Variants in USP33 observed in about 807,000 individuals in gnomAD.
USP33 encodes ubiquitin carboxyl-terminal hydrolase 33.
USP33 carries 46 observed loss-of-function variants against 124.2 expected under a neutral mutation model. The ratio of observed to expected loss-of-function variants is 0.37; its 90% CI spans 0.29 to 0.47. USP33 has a LOEUF of 0.47. USP33 is among the 20% of genes least tolerant of loss of function. The probability of loss-of-function intolerance (pLI) is 0.99; values close to 1 mark genes in which losing one functional copy is unlikely to be tolerated. For missense variants in USP33, 851 were observed against 1,070.6 expected (o/e 0.79, Z 2.86); for synonymous variants, 350 against 352.3 (o/e 0.99, Z 0.07).
chr1:77,745,083 C>T (rs1220359900), intron 1 of USP33, among the ~76,000 whole-genome samples: 1 of 152,154 alleles, frequency 6.6e-6, no homozygotes, highest in Non-Finnish European at 1.5e-5. Context: ...TCTCTAAGGA[C>T]TTGCTTTATG....
rs562682440 is a variant in USP33, at chr1:77,748,782, C to A, written c.-51-7034G>T. ...TTTTTTGGCAGCATTCCTTCCCTCC[C>A]CCCCCCCCCCGTGCTTGAATCAGGA... On this transcript the variant is annotated intron_variant, in intron 1 of 23. Coordinates refer to ENST00000370794, the MANE Select transcript of USP33 (RefSeq NM_201624.3). 7.7e-4 allele frequency among the ~76,000 whole-genome samples: 60 copies of A among 77,510 alleles called. 1 individual carries two copies. The highest frequency in any genetic ancestry group is 2.1e-3 in the South Asian group (3 of 1,402). 50.8% of individuals were successfully genotyped at this position (77,510 alleles called of 152,430 possible).
At chr1:77,699,827 T>C (rs924268484) in intron 22 of USP33, among the ~76,000 whole-genome samples, 1 of 152,062 alleles carries the variant, frequency 6.6e-6, no homozygotes, top group African/African-American at 2.4e-5. Flanking sequence ...ATAAAGAAAA[T>C]GTGGTAAATA....
In USP33 at chr1:77,696,254, TA is replaced by T. The variant is rs1422915477; in HGVS notation, c.*1062del. 3 of 152,624 alleles carry T rather than the reference TA, an allele frequency of 2.0e-5. No individual in the cohort carries two copies. The highest frequency in any genetic ancestry group is 4.4e-5 in the Non-Finnish European group (3 of 68,044). The allele number at this position is 152,624 out of a possible 1,614,324, so 9.5% of individuals were successfully genotyped here. A position where few individuals can be genotyped will look rare whatever the true frequency, so the allele number is the denominator to read the frequency against. On this transcript the variant is annotated 3_prime_UTR_variant, in exon 24 of 24. Transcript: ENST00000370794. ...GTGGCCTCAGCTTTATCAACAATCG[TA>T]GTGACACATTCCACACTTCATGCTC... is the stretch of plus-strand genomic sequence containing the variant.
intron 17 of USP33, chr1:77,717,533 A>G (rs565918840): frequency 1.9e-5 from 3 of 158,546 alleles, no homozygotes; most frequent in South Asian, 4.1e-4. Flanking sequence ...TTAACTGTAT[A>G]CAATTTTCAA....
At chr1:77,755,226 G>A (rs1431884875) in intron 1 of USP33, among the ~76,000 whole-genome samples, 5 of 152,074 alleles carry the variant, frequency 3.3e-5, no homozygotes, top group South Asian at 4.1e-4. Context: ...TTCAGCTTGT[G>A]AGCAAAAAGA....
intron 1 of USP33, among the ~76,000 whole-genome samples, chr1:77,743,929 G>A (rs898827704): frequency 6.6e-6 from 1 of 152,096 alleles, no homozygotes; most frequent in Non-Finnish European, 1.5e-5. Context: ...AGGAGATCGA[G>A]AACATCCTGG....
chr1:77,700,413 C>T (rs1673872764), intron 22 of USP33, among the ~76,000 whole-genome samples: 2 of 152,050 alleles, frequency 1.3e-5, no homozygotes, highest in South Asian at 4.1e-4. Flanking sequence ...CTGGGCAACA[C>T]TGTGAGACCA....
Position 77,722,117 on chromosome 1 carries a change from G to C in USP33, c.1469C>G (p.Ser490Ter). ...GKEDLAKLHS[S>*]SHPTSIVKAG... is the part of the protein sequence containing the mutation. ...TTTGACTATAGAAGTTGGATGACTT[G>C]ATGAATGCAGCTTAGCAAGGTCTTC... Residue 490 changes from serine to a stop codon, truncating the protein, a stop_gained, in exon 13 of 24, where the codon TCA (serine) becomes TGA (stop). Transcript: ENST00000370794. LOFTEE classifies it high-confidence loss of function. The C allele has an allele frequency of 6.2e-7, 1 of 1,614,080 alleles. No homozygotes were observed. Among genetic ancestry groups the C allele is most frequent in the Non-Finnish European group, 8.5e-7 (1 of 1,179,978 alleles).
intron 1 of USP33, among the ~76,000 whole-genome samples, chr1:77,746,099 T>G (rs1428084668): frequency 6.6e-6 from 1 of 152,108 alleles, no homozygotes; most frequent in Non-Finnish European, 1.5e-5. Context: ...AGGAGCTGGT[T>G]TTTTGAAAAG....
At chr1:77,722,355 T>A in intron 12 of USP33, 159 bp from the exon 13 acceptor site, 1 of 662,054 alleles carries the variant, frequency 1.5e-6, no homozygotes, top group Non-Finnish European at 2.4e-6. Flanking sequence ...ATAGTCATAA[T>A]AGCAAAAAAA....
At chr1:77,748,069 G>A (rs979133954) in intron 1 of USP33, among the ~76,000 whole-genome samples, 9 of 152,156 alleles carry the variant, frequency 5.9e-5, no homozygotes, top group African/African-American at 2.2e-4. Flanking sequence ...CTACACTGTG[G>A]CTGTAATGGA....
chr1:77,759,126 G>T (rs1418463139), intron 1 of USP33, among the ~76,000 whole-genome samples: 1 of 152,204 alleles, frequency 6.6e-6, no homozygotes, highest in East Asian at 1.9e-4. Flanking sequence ...TCTCAGTCAA[G>T]ATCAAACATT....
At chr1:77,715,932 C>T in intron 17 of USP33, 64 bp from the exon 18 acceptor site, 2 of 1,514,746 alleles carry the variant, frequency 1.3e-6, no homozygotes, top group Non-Finnish European at 1.8e-6. Context: ...GGAGGATAAA[C>T]TTTTTATATT....
intron 1 of USP33, among the ~76,000 whole-genome samples, chr1:77,750,374 T>C (rs1287395799): frequency 6.6e-6 from 1 of 151,632 alleles, no homozygotes; most frequent in African/African-American, 2.4e-5. Flanking sequence ...AGCTCAGGTC[T>C]GTAATCCCAG....
At chr1:77,731,109 C>T (rs1281016045) in intron 7 of USP33, among the ~76,000 whole-genome samples, 4 of 152,168 alleles carry the variant, frequency 2.6e-5, no homozygotes, top group Non-Finnish European at 4.4e-5. Flanking sequence ...GACATGTAAA[C>T]GTAAGGATTC....
chr1:77,757,935 T>C (rs1680953324), intron 1 of USP33, among the ~76,000 whole-genome samples: 1 of 152,216 alleles, frequency 6.6e-6, no homozygotes, highest in African/African-American at 2.4e-5. Context: ...GTAAGAATTA[T>C]CATCTCAATT....
chr1:77,709,684 G>A (rs1675019541), intron 21 of USP33, among the ~76,000 whole-genome samples: 1 of 151,040 alleles, frequency 6.6e-6, no homozygotes, highest in African/African-American at 2.4e-5. Flanking sequence ...GTCTCTGACA[G>A]CTAGGTATGA....
rs187341606 is a variant in USP33, at chr1:77,759,337, C to A, written c.-52+306G>T. On this transcript the variant is annotated intron_variant, in intron 1 of 23. Coordinates refer to ENST00000370794, the MANE Select transcript of USP33 (RefSeq NM_201624.3). The stretch of plus-strand genomic sequence containing the variant: ...GAGGAAGGGAGCAGAGCCCCCGCTT[C>A]TCGGGCTCACCTGCACCTCCCGCTT... The A allele has an allele frequency of 3.0e-3, 1,069 of 359,592 alleles. 27 individuals are homozygous for A. The Admixed American group carries it at 0.043, about 15-fold the overall frequency. The allele number at this position is 359,592 out of a possible 1,614,324, so 22.3% of individuals were successfully genotyped here.
intron 1 of USP33, among the ~76,000 whole-genome samples, chr1:77,748,189 T>C (rs1679927525): frequency 6.6e-6 from 1 of 152,230 alleles, no homozygotes; most frequent in African/African-American, 2.4e-5. Flanking sequence ...TTAGTTCTTA[T>C]TTTCTGATAT....
Sources: allele counts gnomAD v4.1 joint callset (sites outside exome capture counted in the v4.1 genomes callset), GRCh38; gene constraint gnomAD v4.1.1; transcripts MANE v1.5; gene names NCBI Gene and HGNC (gene_info 2026-07-23, HGNC 2026-07-21).